CRISP1: variants seen among roughly 807,000 people sequenced by gnomAD.
The protein encoded by CRISP1 is cysteine-rich secretory protein 1.
A neutral mutation model predicts 33.1 loss-of-function variants in CRISP1; 44 were observed. The observed-to-expected ratio is 1.33, with a 90% CI of 1.05 to 1.71. The LOEUF (loss-of-function observed/expected upper bound fraction) is 1.71, where lower values mean the gene tolerates loss of function less well. Among genes scored for constraint, CRISP1 ranks in the 40% most tolerant of loss-of-function variants. The pLI is 0.00. For missense variants in CRISP1, 390 were observed against 301.2 expected (o/e 1.29, Z -2.18); for synonymous variants, 103 against 98.7 (o/e 1.04, Z -0.26).
chr6:49,868,153 C>A (rs1243352052), upstream of CRISP1, among the ~76,000 whole-genome samples: 1 of 152,114 alleles, frequency 6.6e-6, no homozygotes, highest in Non-Finnish European at 1.5e-5. Flanking sequence ...TGCTATCCAG[C>A]TTCATATATG....
intron 5 of CRISP1, among the ~76,000 whole-genome samples, chr6:49,843,491 G>A (rs566489650): frequency 5.9e-5 from 9 of 152,308 alleles, no homozygotes; most frequent in Admixed American, 5.9e-4. Flanking sequence ...GTGAAAGGAA[G>A]CAGTCTTTAA....
chr6:49,873,693 A>C (rs990637387), intron 1 of CRISP1, among the ~76,000 whole-genome samples: 1 of 152,078 alleles, frequency 6.6e-6, no homozygotes, highest in Non-Finnish European at 1.5e-5. Flanking sequence ...AAGATTATGT[A>C]TTGCTTATAT....
intron 1 of CRISP1, among the ~76,000 whole-genome samples, chr6:49,864,496 G>A (rs999973836): frequency 2.0e-5 from 3 of 151,250 alleles, no homozygotes; most frequent in African/African-American, 7.3e-5. Flanking sequence ...CCTTTGGTAG[G>A]TATTGTCAAA....
chr6:49,859,700 A>G (rs986502723), intron 1 of CRISP1, among the ~76,000 whole-genome samples: 3 of 152,190 alleles, frequency 2.0e-5, no homozygotes, highest in Non-Finnish European at 4.4e-5. Context: ...ATGATAAACA[A>G]TAAGAGAAAA....
chr6:49,857,239 C>T (rs1771520641), intron 2 of CRISP1, 96 bp downstream of exon 2: 1 of 1,138,498 alleles, frequency 8.8e-7, no homozygotes, highest in Non-Finnish European at 1.3e-6. Flanking sequence ...GGTGTAGTGG[C>T]CTCACAACAG....
At chr6:49,858,169 A>G (rs1771545334) in intron 1 of CRISP1, among the ~76,000 whole-genome samples, 1 of 152,202 alleles carries the variant, frequency 6.6e-6, no homozygotes, top group South Asian at 2.1e-4. Flanking sequence ...GCGATATTCC[A>G]TAATATCTGA....
intron 5 of CRISP1, among the ~76,000 whole-genome samples, chr6:49,843,729 G>A (rs1463396165): frequency 3.9e-5 from 6 of 152,256 alleles, no homozygotes; most frequent in East Asian, 1.9e-4. Flanking sequence ...TTGGATAATG[G>A]GTAGAGACTG....
intron 1 of CRISP1, among the ~76,000 whole-genome samples, chr6:49,862,796 T>G (rs890387933): frequency 6.6e-6 from 1 of 150,640 alleles, no homozygotes; most frequent in Non-Finnish European, 1.5e-5. Context: ...AAGTTACACC[T>G]TCTCAGAGAA....
intron 1 of CRISP1, among the ~76,000 whole-genome samples, chr6:49,862,646 G>T (rs562074700): frequency 6.6e-6 from 1 of 152,148 alleles, no homozygotes; most frequent in East Asian, 1.9e-4. Flanking sequence ...TGGTTACTTT[G>T]CATGTTGGCA....
upstream of CRISP1, among the ~76,000 whole-genome samples, chr6:49,868,366 T>C (rs1434610819): frequency 6.6e-6 from 1 of 152,200 alleles, no homozygotes; most frequent in Non-Finnish European, 1.5e-5. Flanking sequence ...GACACATTTA[T>C]CTAGCATATC....
At chr6:49,865,408 T>C (rs1006782589) in intron 1 of CRISP1, among the ~76,000 whole-genome samples, 1 of 152,196 alleles carries the variant, frequency 6.6e-6, no homozygotes, top group Admixed American at 6.6e-5. Context: ...ATGTGCAAAC[T>C]ATCATATTTG....
intron 1 of CRISP1, among the ~76,000 whole-genome samples, chr6:49,857,916 T>G (rs1771540435): frequency 6.6e-6 from 1 of 152,150 alleles, no homozygotes; most frequent in Non-Finnish European, 1.5e-5. Flanking sequence ...AGGAAACAGA[T>G]TCTCCCCATA....
At chr6:49,848,089 C>A (rs1771236679) in intron 4 of CRISP1, 120 bp downstream of exon 4, 2 of 555,130 alleles carry the variant, frequency 3.6e-6, no homozygotes, top group South Asian at 2.9e-5. Context: ...CTTGTATGAC[C>A]CAGTGCAAAT....
chr6:49,868,771 C>T (rs1771857763), upstream of CRISP1, among the ~76,000 whole-genome samples: 1 of 152,084 alleles, frequency 6.6e-6, no homozygotes, highest in African/African-American at 2.4e-5. Context: ...TAAAATTGTG[C>T]TTATGCTTCA....
intron 1 of CRISP1, among the ~76,000 whole-genome samples, chr6:49,875,901 A>G (rs28886134): frequency 1.3e-5 from 2 of 152,128 alleles, no homozygotes; most frequent in Non-Finnish European, 2.9e-5. Flanking sequence ...TTAACTCAAG[A>G]TGGATTAAAG....
intron 5 of CRISP1, among the ~76,000 whole-genome samples, chr6:49,845,597 A>G (rs1771137906): frequency 6.6e-6 from 1 of 152,176 alleles, no homozygotes; most frequent in African/African-American, 2.4e-5. Flanking sequence ...CACAGTATTC[A>G]CATATGATCC....
At chr6:49,842,264 C>T (rs188532093) in intron 5 of CRISP1, among the ~76,000 whole-genome samples, 181 of 152,060 alleles carry the variant, frequency 1.2e-3, no homozygotes, top group African/African-American at 4.3e-3. Context: ...GAGTATTTTC[C>T]GTAAGAGACC....
chr6:49,850,241 G>A (rs1189798105), intron 3 of CRISP1, among the ~76,000 whole-genome samples: 1 of 151,754 alleles, frequency 6.6e-6, no homozygotes, highest in East Asian at 1.9e-4. Flanking sequence ...AAAACTTAAA[G>A]TATAATAATA....
chr6:49,861,891 A>T (rs954457307), intron 1 of CRISP1, among the ~76,000 whole-genome samples: 6 of 151,996 alleles, frequency 3.9e-5, no homozygotes, highest in Non-Finnish European at 8.8e-5. Flanking sequence ...TAAAAAAAAA[A>T]ATAACATAAC....
Sources: allele counts gnomAD v4.1 joint callset (sites outside exome capture counted in the v4.1 genomes callset), GRCh38; gene constraint gnomAD v4.1.1; transcripts MANE v1.5; gene names NCBI Gene and HGNC (gene_info 2026-07-23, HGNC 2026-07-21).